DNAH3: variants seen among roughly 807,000 people sequenced by gnomAD.
DNAH3 encodes the protein axonemal beta dynein heavy chain 3.
In DNAH3, 332 loss-of-function variants were observed where a neutral mutation model predicts 432.5. The ratio of observed to expected loss-of-function variants is 0.77; its 90% CI spans 0.70 to 0.84. The LOEUF (loss-of-function observed/expected upper bound fraction) is 0.84, where lower values mean the gene tolerates loss of function less well. Among genes scored for constraint, DNAH3 ranks in the 40% least tolerant of loss-of-function variants. The pLI is 0.00. For synonymous variants in DNAH3, 1,956 were observed against 1,900.2 expected (o/e 1.03, Z -0.76); for missense variants, 4,861 against 5,114.0 (o/e 0.95, Z 1.51).
exon 24 of DNAH3, chr16:21,067,408 G>A (rs993522208): frequency 1.2e-6 from 2 of 1,613,770 alleles, no homozygotes; most frequent in African/African-American, 1.3e-5. Flanking sequence ...CCAGAATCCT[G>A]TTATCTTTCA....
At chr16:21,145,722 C>T (rs138300989) in intron 2 of DNAH3, among the ~76,000 whole-genome samples, 13 of 152,312 alleles carry the variant, frequency 8.5e-5, no homozygotes, top group African/African-American at 1.9e-4. Context: ...CAATGAAACA[C>T]GCAGAAGTTC....
chr16:21,094,054 T>C (rs1597364257), intron 18 of DNAH3, among the ~76,000 whole-genome samples: 2 of 152,106 alleles, frequency 1.3e-5, no homozygotes, highest in Admixed American at 6.6e-5. Flanking sequence ...GAAAAATTGA[T>C]ACGTTGGACG....
Position 20,947,249 on chromosome 16 carries a change from C to T in DNAH3, c.11343+1234G>A, listed in dbSNP as rs1490788765. Among the ~76,000 whole-genome samples the T allele has an allele frequency of 3.9e-5, 6 of 152,180 alleles. No individual in the cohort carries two copies. In the East Asian group the frequency reaches 1.2e-3, roughly 29 times the overall value. ...CGGGGAGCTTCTGGATAGCTGACCA[C>T]GTGGAGGTTCCTGGAGGGTATTTCA... is the stretch of plus-strand genomic sequence containing the variant. On this transcript the variant is annotated intron_variant, in intron 57 of 61. Coordinates refer to ENST00000261383, the Ensembl canonical transcript of DNAH3.
At chr16:21,107,816 T>A (rs553265634) in intron 14 of DNAH3, among the ~76,000 whole-genome samples, 2 of 152,258 alleles carry the variant, frequency 1.3e-5, no homozygotes, top group South Asian at 4.1e-4. Flanking sequence ...TCAACAAATG[T>A]TAGCAATGAT....
At position 21,150,543 on chromosome 16, in the gene DNAH3, A is replaced by C. The variant is rs1029952479; in HGVS notation, c.118-4455T>G. ...GCCCGCTGAGGAGTTCCCTGGTAAA[A>C]AAGGAGAGAAAGGGAAGCTAGAGAT... On this transcript the variant is annotated intron_variant, in intron 1 of 61. Coordinates refer to ENST00000261383, the Ensembl canonical transcript of DNAH3. The C allele has an allele frequency of 4.4e-6, 1 of 225,428 alleles. No homozygotes were observed. The highest frequency in any genetic ancestry group is 9.0e-6 in the Non-Finnish European group (1 of 111,112). The allele number at this position is 225,428 out of a possible 1,614,324, so 14.0% of individuals were successfully genotyped here. A position where few individuals can be genotyped will look rare whatever the true frequency, so the allele number is the denominator to read the frequency against.
At chr16:21,021,623 A>C (rs1040954581) in intron 40 of DNAH3, among the ~76,000 whole-genome samples, 3 of 152,102 alleles carry the variant, frequency 2.0e-5, no homozygotes, top group African/African-American at 7.2e-5. Context: ...AAAATAGCCA[A>C]GGTAGCCCAG....
At chr16:21,154,175 G>A (rs567108801) in intron 1 of DNAH3, among the ~76,000 whole-genome samples, 2 of 152,370 alleles carry the variant, frequency 1.3e-5, no homozygotes, top group East Asian at 3.9e-4. Flanking sequence ...AGGCCAAGGC[G>A]AGTGGATCGC....
At chr16:21,123,795 CTCT>C (rs2092392235) in intron 9 of DNAH3, among the ~76,000 whole-genome samples, 1 of 151,774 alleles carries the variant, frequency 6.6e-6, no homozygotes. Context: ...TCAGTTTTCT[CTCT>C]TTTTTTTTTT....
intron 51 of DNAH3, among the ~76,000 whole-genome samples, 177 bp from the exon 52 acceptor site, chr16:20,970,167 G>A (rs982247577): frequency 1.3e-5 from 2 of 152,194 alleles, no homozygotes; most frequent in Non-Finnish European, 2.9e-5. Flanking sequence ...ACCAGCAGCC[G>A]GAACACATGC....
At chr16:21,037,941 C>T (rs536529487) in exon 34 of DNAH3, 83 of 1,614,108 alleles carry the variant, frequency 5.1e-5, no homozygotes, top group East Asian at 2.2e-4. Context: ...ACAGTTGTTC[C>T]GAGCACAGGC....
Position 20,941,061 on chromosome 16 carries a change from C to G in DNAH3, c.11654+340G>C, listed in dbSNP as rs573681850. On this transcript the variant is annotated intron_variant, in intron 59 of 61. Transcript: ENST00000261383. ...GCTGCAATGAGTCATGATCACACCA[C>G]TGCACTCCAACTTGAGCGACAGAGA... Among the ~76,000 whole-genome samples the G allele has an allele frequency of 3.3e-5, 5 of 152,346 alleles. 1 individual carries two copies. In the South Asian group the frequency reaches 1.0e-3, roughly 32 times the overall value.
chr16:21,100,139 TCG>T (rs1191552308), intron 16 of DNAH3, among the ~76,000 whole-genome samples: 1 of 152,194 alleles, frequency 6.6e-6, no homozygotes, highest in African/African-American at 2.4e-5. Context: ...TGGCACAATC[TCG>T]GCTCATTGTA....
exon 44 of DNAH3, chr16:20,997,441 T>C (rs2086810961): frequency 1.2e-6 from 2 of 1,613,984 alleles, no homozygotes; most frequent in South Asian, 2.2e-5. Context: ...ATACACCTCT[T>C]TGGCTGGCAT....
intron 50 of DNAH3, among the ~76,000 whole-genome samples, chr16:20,978,883 A>G (rs562766307): frequency 6.6e-6 from 1 of 152,104 alleles, no homozygotes; most frequent in Admixed American, 6.5e-5. Context: ...GGCTCAAAGA[A>G]GTGAAATAAC....
chr16:20,976,684 T>C (rs1273707587), intron 50 of DNAH3, among the ~76,000 whole-genome samples: 1 of 152,148 alleles, frequency 6.6e-6, no homozygotes, highest in Non-Finnish European at 1.5e-5. Flanking sequence ...TTGAAGATAA[T>C]TAGAGTTAGA....
chr16:21,004,627 C>G (rs1010658069), intron 41 of DNAH3, among the ~76,000 whole-genome samples: 4 of 152,132 alleles, frequency 2.6e-5, no homozygotes, highest in Non-Finnish European at 5.9e-5. Flanking sequence ...CTTGGCCTCC[C>G]GAAGTGCTAG....
chr16:21,031,745 T>A (rs1346554324), intron 36 of DNAH3, among the ~76,000 whole-genome samples: 2 of 152,194 alleles, frequency 1.3e-5, no homozygotes, highest in African/African-American at 4.8e-5. Flanking sequence ...CCAGGACTAC[T>A]TGCTGGGCAC....
At chr16:21,020,284 A>G (rs2088098017) in intron 40 of DNAH3, among the ~76,000 whole-genome samples, 1 of 139,652 alleles carries the variant, frequency 7.2e-6, no homozygotes, top group Non-Finnish European at 1.5e-5. Context: ...GGCCTCTCAA[A>G]ATGCTAGGAT....
exon 58 of DNAH3, chr16:20,944,620 G>C: frequency 6.2e-7 from 1 of 1,614,108 alleles, no homozygotes; most frequent in Non-Finnish European, 8.5e-7. Context: ...GAACACTTCT[G>C]GGTGGGCTGT....
Sources: gnomAD v4.1 joint callset for allele counts (sites outside exome capture counted in the v4.1 genomes callset) on GRCh38, gnomAD v4.1.1 for gene constraint, MANE v1.5 for transcripts, NCBI Gene and HGNC (gene_info 2026-07-23, HGNC 2026-07-21) for gene names.